The following CLIP1 variants were observed in gnomAD, a reference collection of about 807,000 sequenced individuals.
The protein encoded by CLIP1 is CAP-Gly domain-containing linker protein 1.
Under a neutral mutation model 161.6 loss-of-function variants are expected in CLIP1, and 66 were observed. That is an observed-to-expected ratio of 0.41 (90% CI 0.33 to 0.50). The LOEUF (loss-of-function observed/expected upper bound fraction) is 0.50. CLIP1 is among the 20% of genes least tolerant of loss of function. The pLI is 0.27. For synonymous variants in CLIP1, 598 were observed against 626.2 expected (o/e 0.96, Z 0.67); for missense variants, 1,376 against 1,702.0 (o/e 0.81, Z 3.37).
intron 19 of CLIP1, among the ~76,000 whole-genome samples, chr12:122,314,983 T>G (rs970156010): frequency 2.0e-5 from 3 of 152,160 alleles, no homozygotes; most frequent in Admixed American, 6.5e-5. Context: ...TGTTTAAACA[T>G]AATCCCATCA....
At chr12:122,294,400 T>C (rs1950389454) in intron 20 of CLIP1, among the ~76,000 whole-genome samples, 1 of 148,944 alleles carries the variant, frequency 6.7e-6, no homozygotes, top group South Asian at 2.1e-4. Flanking sequence ...AAAGCAACTA[T>C]GATATAATCC....
chr12:122,380,287 G>A, intron 2 of CLIP1, 81 bp downstream of exon 2: 6 of 837,014 alleles, frequency 7.2e-6, no homozygotes, highest in Non-Finnish European at 7.4e-6. Context: ...AATATGAACA[G>A]ATATAAAATA....
At chr12:122,373,812 C>G (rs1305738759) in intron 3 of CLIP1, among the ~76,000 whole-genome samples, 1 of 152,028 alleles carries the variant, frequency 6.6e-6, no homozygotes, top group Non-Finnish European at 1.5e-5. Flanking sequence ...CTACAATCTA[C>G]GAAAGCATAT....
chr12:122,420,646 A>C (rs529028701), intron 1 of CLIP1, among the ~76,000 whole-genome samples: 10 of 152,206 alleles, frequency 6.6e-5, no homozygotes, highest in African/African-American at 2.2e-4. Context: ...AATGTAGACC[A>C]GCCTTGGGGC....
Position 122,328,377 on chromosome 12 carries a change from T to C in CLIP1, c.2917A>G (p.Ser973Gly). Residue 973 changes from serine to glycine, a missense_variant, in exon 16 of 26, where the codon AGT becomes GGT. Transcript: ENST00000620786. ...TCCTCAATACTTTTTTGCAGAAAACTTGCATTTTCATTAGCCTTTGTAAGT... is the reference window on the plus strand; with the variant it reads ...TCCTCAATACTTTTTTGCAGAAAACCTGCATTTTCATTAGCCTTTGTAAGT... Reference protein sequence around the residue: ...LKLTKANENASFLQKSIEDMT... With the variant: ...LKLTKANENAGFLQKSIEDMT... The C allele has an allele frequency of 6.2e-7, 1 of 1,612,926 alleles. No individual in the cohort carries two copies. Among genetic ancestry groups the C allele is most frequent in the Non-Finnish European group, 8.5e-7 (1 of 1,179,670 alleles).
At chr12:122,324,316 A>AC (rs1314065327) in intron 17 of CLIP1, 1 of 152,486 alleles carries the variant, frequency 6.6e-6, no homozygotes, top group East Asian at 1.9e-4. Context: ...CTGATTTCAG[A>AC]CCCCTCAGCT....
intron 7 of CLIP1, among the ~76,000 whole-genome samples, chr12:122,354,030 G>A (rs1953196572): frequency 6.6e-6 from 1 of 152,084 alleles, no homozygotes; most frequent in African/African-American, 2.4e-5. Flanking sequence ...TGGACACATA[G>A]TCATTCCTTT....
intron 21 of CLIP1, among the ~76,000 whole-genome samples, chr12:122,283,833 G>C (rs1425375850): frequency 6.6e-6 from 1 of 152,168 alleles, no homozygotes; most frequent in Non-Finnish European, 1.5e-5. Flanking sequence ...TGGCCATAGT[G>C]ATTCTATTAC....
At chr12:122,359,065 A>G (rs1422079065) in intron 5 of CLIP1, among the ~76,000 whole-genome samples, 3 of 152,222 alleles carry the variant, frequency 2.0e-5, no homozygotes, top group Admixed American at 6.5e-5. Context: ...ATCTCAAAAA[A>G]ATAAAAAATA....
intron 19 of CLIP1, among the ~76,000 whole-genome samples, chr12:122,315,801 C>T (rs1277352121): frequency 1.3e-5 from 2 of 151,766 alleles, no homozygotes; most frequent in African/African-American, 2.4e-5. Flanking sequence ...CCACCACGCC[C>T]GGCTAATTTC....
intron 14 of CLIP1, 22 bp from the exon 15 acceptor site, chr12:122,333,165 G>A: frequency 1.9e-6 from 3 of 1,580,138 alleles, no homozygotes; most frequent in Middle Eastern, 1.7e-4. Context: ...GAGAAAAAAA[G>A]AATAGCACGG....
intron 1 of CLIP1, among the ~76,000 whole-genome samples, chr12:122,416,002 G>A (rs548421303): frequency 6.6e-6 from 1 of 152,196 alleles, no homozygotes; most frequent in Admixed American, 6.5e-5. Flanking sequence ...CACTGTGGGA[G>A]GCTGAGGTGG....
chr12:122,303,375 T>A (rs1172056436), intron 20 of CLIP1, among the ~76,000 whole-genome samples: 2 of 152,144 alleles, frequency 1.3e-5, no homozygotes, highest in Non-Finnish European at 2.9e-5. Context: ...ACCTAGACCT[T>A]CCCTTGGCTC....
intron 1 of CLIP1, among the ~76,000 whole-genome samples, chr12:122,403,494 G>GTTTTTTTT (rs1036910823): frequency 1.8e-5 from 1 of 55,816 alleles, no homozygotes; most frequent in South Asian, 8.5e-4. Context: ...ATCATTTCTT[G>GTTTTTTTT]TTTTGTTTTT....
intron 24 of CLIP1, chr12:122,275,632 A>ACACACG (rs1256114611): frequency 9.4e-6 from 1 of 106,786 alleles, no homozygotes; most frequent in Non-Finnish European, 1.9e-5. Context: ...AAATACACAC[A>ACACACG]CACACACACG....
chr12:122,306,664 T>C (rs1448575884), intron 20 of CLIP1, among the ~76,000 whole-genome samples: 1 of 152,004 alleles, frequency 6.6e-6, no homozygotes, highest in South Asian at 2.1e-4. Flanking sequence ...AATGAGGACA[T>C]GATCACCAAG....
At chr12:122,288,811 T>C (rs1955968626) in intron 20 of CLIP1, among the ~76,000 whole-genome samples, 1 of 86,366 alleles carries the variant, frequency 1.2e-5, no homozygotes, top group South Asian at 5.7e-4. Flanking sequence ...AGCACATCTT[T>C]TTTTTTTTTT....
intron 3 of CLIP1, among the ~76,000 whole-genome samples, chr12:122,366,400 C>T (rs1015757366): frequency 6.6e-6 from 1 of 151,864 alleles, no homozygotes; most frequent in Non-Finnish European, 1.5e-5. Context: ...GTGGGAGGAT[C>T]GCTGGAGTCC....
chr12:122,322,833 C>T (rs1421220134), intron 17 of CLIP1: 2 of 152,624 alleles, frequency 1.3e-5, no homozygotes, highest in African/African-American at 2.4e-5. Flanking sequence ...ATGTTCTTCT[C>T]GGAACAACAC....
Sources: allele counts gnomAD v4.1 joint callset (sites outside exome capture counted in the v4.1 genomes callset), GRCh38; gene constraint gnomAD v4.1.1; transcripts MANE v1.5; gene names NCBI Gene and HGNC (gene_info 2026-07-23, HGNC 2026-07-21).